Variants in ZFAND3 observed in about 807,000 individuals in gnomAD.
The protein encoded by ZFAND3 is AN1-type zinc finger protein 3.
A neutral mutation model predicts 29.6 loss-of-function variants in ZFAND3; 10 were observed. The observed-to-expected ratio is 0.34, with a 90% CI of 0.21 to 0.57. The LOEUF (loss-of-function observed/expected upper bound fraction) is 0.57. ZFAND3 is among the 20% of genes least tolerant of loss of function. The pLI is 0.86. For synonymous variants in ZFAND3, 128 were observed against 112.6 expected, an observed-to-expected ratio of 1.14 and a Z score of -0.87; for missense variants, 230 against 304.5, an observed-to-expected ratio of 0.76 and a Z score of 1.82.
chr6:38,032,172 A>G (rs1175428351), intron 2 of ZFAND3, among the ~76,000 whole-genome samples: 2 of 152,150 alleles, frequency 1.3e-5, no homozygotes, highest in African/African-American at 2.4e-5. Flanking sequence ...GCATTTATCT[A>G]TGTTACTATA....
chr6:38,075,137 G>C (rs1764528202), intron 3 of ZFAND3, among the ~76,000 whole-genome samples: 1 of 152,138 alleles, frequency 6.6e-6, no homozygotes, highest in Admixed American at 6.5e-5. Context: ...GGATTAAGGA[G>C]TCATTTTGAG....
intron 1 of ZFAND3, among the ~76,000 whole-genome samples, chr6:37,900,176 A>C (rs188047539): frequency 2.4e-4 from 37 of 152,302 alleles, no homozygotes; most frequent in Middle Eastern, 3.4e-3. Flanking sequence ...TAACTATTTT[A>C]AACAATACTG....
intron 1 of ZFAND3, among the ~76,000 whole-genome samples, chr6:37,906,369 T>C (rs1410658837): frequency 6.6e-6 from 1 of 152,012 alleles, no homozygotes; most frequent in Non-Finnish European, 1.5e-5. Context: ...ATAACTTCCA[T>C]TTTTTTTAAA....
At chr6:37,851,034 C>T (rs1359164024) in intron 1 of ZFAND3, among the ~76,000 whole-genome samples, 1 of 151,096 alleles carries the variant, frequency 6.6e-6, no homozygotes, top group Non-Finnish European at 1.5e-5. Flanking sequence ...TCCTGCTTGG[C>T]CTCTTGCCTC....
intron 1 of ZFAND3, among the ~76,000 whole-genome samples, chr6:37,924,484 G>A (rs1243901004): frequency 6.6e-6 from 1 of 152,068 alleles, no homozygotes; most frequent in Non-Finnish European, 1.5e-5. Context: ...CAGGCATGTG[G>A]TGAGATATCA....
intron 2 of ZFAND3, among the ~76,000 whole-genome samples, chr6:38,001,305 C>T (rs1334474872): frequency 6.6e-6 from 1 of 152,194 alleles, no homozygotes; most frequent in Non-Finnish European, 1.5e-5. Context: ...TCACTGCTCT[C>T]CTCTTCACAG....
intron 2 of ZFAND3, among the ~76,000 whole-genome samples, chr6:38,028,063 G>A (rs1019810150): frequency 6.6e-6 from 1 of 152,160 alleles, no homozygotes; most frequent in Non-Finnish European, 1.5e-5. Context: ...AGAATATTTG[G>A]AATTTGTCTT....
chr6:38,125,879 TGA>T (rs1468207809), intron 5 of ZFAND3, among the ~76,000 whole-genome samples: 1 of 152,226 alleles, frequency 6.6e-6, no homozygotes, highest in Non-Finnish European at 1.5e-5. Flanking sequence ...TATGGTTGAA[TGA>T]GTTTTATTAC....
chr6:37,861,217 A>C (rs1017375992), intron 1 of ZFAND3, among the ~76,000 whole-genome samples: 3 of 152,212 alleles, frequency 2.0e-5, no homozygotes, highest in Non-Finnish European at 4.4e-5. Flanking sequence ...AGATCGTGCC[A>C]CTGCACTCCT....
intron 2 of ZFAND3, among the ~76,000 whole-genome samples, chr6:37,939,380 A>G (rs145268731): frequency 0.025 from 3,766 of 152,196 alleles, 64 homozygotes; most frequent in Non-Finnish European, 0.04. Flanking sequence ...GTGAGTCTCT[A>G]TCTTTCCCTC....
chr6:38,078,504 A>G (rs1005123611), intron 3 of ZFAND3, among the ~76,000 whole-genome samples: 6 of 152,246 alleles, frequency 3.9e-5, no homozygotes, highest in African/African-American at 1.4e-4. Flanking sequence ...AGCAAAAAGC[A>G]TTTATGATGA....
chr6:38,121,721 TCA>T (rs1237210863), intron 5 of ZFAND3, among the ~76,000 whole-genome samples: 1 of 152,208 alleles, frequency 6.6e-6, no homozygotes, highest in Non-Finnish European at 1.5e-5. Flanking sequence ...CGCATCCTTC[TCA>T]GGGTTTTATG....
intron 4 of ZFAND3, among the ~76,000 whole-genome samples, chr6:38,103,344 G>T (rs1460099244): frequency 1.8e-5 from 1 of 55,792 alleles, no homozygotes; most frequent in Non-Finnish European, 3.5e-5. Context: ...GTGTGTGTGT[G>T]TATGTATATA....
At position 38,077,880 on chromosome 6, in the gene ZFAND3, C is replaced by G. The variant is rs556516891; in HGVS notation, c.296-4512C>G. On this transcript the variant is annotated intron_variant, in intron 3 of 5. Coordinates refer to ENST00000287218, the MANE Select transcript of ZFAND3 (RefSeq NM_021943.3). ...TCCTTGAGTTGTAGTCTTCAACTAG[C>G]CGATGGGATTGACCACTACATGAGT... Among the ~76,000 whole-genome samples, 212 of 152,304 alleles carry G rather than the reference C, an allele frequency of 1.4e-3. 9 individuals are homozygous for G. In the South Asian group the frequency reaches 0.042, roughly 30 times the overall value.
chr6:37,873,203 G>A (rs1314515207), intron 1 of ZFAND3, among the ~76,000 whole-genome samples: 3 of 152,194 alleles, frequency 2.0e-5, no homozygotes, highest in Non-Finnish European at 2.9e-5. Context: ...CCCGGGAGGC[G>A]AAGCTTGCGG....
At chr6:38,049,959 TTTTTTTTTTGG>T (rs1417175306) in intron 2 of ZFAND3, among the ~76,000 whole-genome samples, 832 of 10,922 alleles carry the variant, frequency 0.076, 21 homozygotes, top group Non-Finnish European at 0.21. Flanking sequence ...TTTTTTTTTT[TTTTTTTTTTGG>T]GGGAGACAGA....
chr6:38,138,923 A>C (rs1765896365), intron 5 of ZFAND3, among the ~76,000 whole-genome samples: 1 of 152,190 alleles, frequency 6.6e-6, no homozygotes, highest in Non-Finnish European at 1.5e-5. Context: ...AGGGGAATTC[A>C]TAGATGGAAA....
chr6:37,878,859 C>T (rs1382224368), intron 1 of ZFAND3, among the ~76,000 whole-genome samples: 3 of 152,154 alleles, frequency 2.0e-5, no homozygotes, highest in African/African-American at 4.8e-5. Flanking sequence ...ACCCAATCTC[C>T]GTGTTCCTGG....
At chr6:37,874,295 C>T (rs1764752582) in intron 1 of ZFAND3, among the ~76,000 whole-genome samples, 1 of 152,166 alleles carries the variant, frequency 6.6e-6, no homozygotes, top group African/African-American at 2.4e-5. Context: ...GCAGGCGGAT[C>T]ACCTGAGGTC....
Sources: allele counts gnomAD v4.1 joint callset (sites outside exome capture counted in the v4.1 genomes callset), GRCh38; gene constraint gnomAD v4.1.1; transcripts MANE v1.5; gene names NCBI Gene and HGNC (gene_info 2026-07-23, HGNC 2026-07-21).